Variants in EFR3A observed in about 807,000 individuals in gnomAD.
The protein encoded by EFR3A is protein EFR3 homolog A.
EFR3A carries 76 observed loss-of-function variants against 104.4 expected under a neutral mutation model. The observed-to-expected ratio is 0.73, with a 90% CI of 0.60 to 0.88. The LOEUF (loss-of-function observed/expected upper bound fraction) is 0.88. EFR3A is among the 40% of genes least tolerant of loss of function. EFR3A has a pLI of 0.00. For missense variants in EFR3A, 985 were observed against 1,012.5 expected (o/e 0.97, Z 0.37); for synonymous variants, 330 against 330.0 (o/e 1.00, Z 0.00).
intron 22 of EFR3A, among the ~76,000 whole-genome samples, chr8:132,003,645 C>A (rs1821898773): frequency 6.6e-6 from 1 of 152,164 alleles, no homozygotes; most frequent in Admixed American, 6.5e-5. Context: ...GCAGAAACTG[C>A]ATTTTAATAT....
At chr8:131,980,650 C>A (rs1295565292) in intron 14 of EFR3A, among the ~76,000 whole-genome samples, 2 of 151,988 alleles carry the variant, frequency 1.3e-5, no homozygotes, top group Non-Finnish European at 2.9e-5. Flanking sequence ...GCTTACCTAT[C>A]TTGTTTTATG....
chr8:131,963,491 GACAC>G (rs975714383), intron 8 of EFR3A, among the ~76,000 whole-genome samples: 2 of 152,016 alleles, frequency 1.3e-5, no homozygotes, highest in African/African-American at 4.8e-5. Flanking sequence ...TAAATTCCTG[GACAC>G]ACACACCCTC....
chr8:131,940,778 A>T, intron 2 of EFR3A: 2 of 825,806 alleles, frequency 2.4e-6, no homozygotes, highest in Non-Finnish European at 3.4e-6. Context: ...TTAGTAGATT[A>T]GGCACAAATC....
intron 9 of EFR3A, 80 bp downstream of exon 9, chr8:131,968,510 G>T: frequency 7.5e-7 from 1 of 1,333,758 alleles, no homozygotes; most frequent in South Asian, 1.7e-5. Flanking sequence ...AGTGTATGAA[G>T]AACTCTTTAA....
At chr8:131,985,548 C>G (rs1181433430) in intron 16 of EFR3A, among the ~76,000 whole-genome samples, 1 of 152,100 alleles carries the variant, frequency 6.6e-6, no homozygotes, top group African/African-American at 2.4e-5. Flanking sequence ...TTTCAATGCC[C>G]CCAAGTTACC....
intron 18 of EFR3A, 106 bp downstream of exon 18, chr8:131,987,808 C>T: frequency 2.5e-6 from 3 of 1,213,920 alleles, no homozygotes; most frequent in Non-Finnish European, 3.4e-6. Context: ...TGTGTCCTTA[C>T]TATAGCCCAG....
chr8:131,963,565 C>T (rs371911375), intron 8 of EFR3A, among the ~76,000 whole-genome samples: 14 of 151,900 alleles, frequency 9.2e-5, no homozygotes, highest in Admixed American at 7.2e-4. Flanking sequence ...GCTCTGAAAT[C>T]GAGGCAATAA....
intron 1 of EFR3A, chr8:131,940,058 T>C (rs1818087111): frequency 6.1e-6 from 1 of 164,926 alleles, no homozygotes. Flanking sequence ...TAGTAGATAC[T>C]TGGGCATGCC....
chr8:131,997,369 C>T (rs756150481), intron 19 of EFR3A, among the ~76,000 whole-genome samples: 7 of 152,010 alleles, frequency 4.6e-5, no homozygotes, highest in East Asian at 1.9e-4. Context: ...CCTCCTACCC[C>T]CTTACAATTC....
At chr8:131,933,041 G>A (rs937173245) in intron 1 of EFR3A, among the ~76,000 whole-genome samples, 1 of 152,048 alleles carries the variant, frequency 6.6e-6, no homozygotes, top group Non-Finnish European at 1.5e-5. Flanking sequence ...AAAGAAGAAA[G>A]TCACTGCTTA....
intron 9 of EFR3A, among the ~76,000 whole-genome samples, chr8:131,968,798 G>C (rs545970971): frequency 2.4e-4 from 37 of 152,144 alleles, no homozygotes; most frequent in Admixed American, 2.2e-3. Flanking sequence ...AAAAAGCCAG[G>C]GTTTACAGAA....
Position 131,984,505 on chromosome 8 carries a change from C to CA in EFR3A, c.1737+207dup, listed in dbSNP as rs1277109152. On this transcript the variant is annotated intron_variant, in intron 15 of 22. Coordinates refer to ENST00000254624, the MANE Select transcript of EFR3A (RefSeq NM_015137.6). ...ATCAACTGGTGTGCTAAATATCCTT[C>CA]AAGGCCATAGGGATATAGTGTGATG... is the stretch of plus-strand genomic sequence containing the variant. Among the ~76,000 whole-genome samples the CA allele has an allele frequency of 2.0e-5, 3 of 152,312 alleles. No individual in the cohort carries two copies. The East Asian group carries it at 5.8e-4, about 29-fold the overall frequency.
At chr8:132,006,432 CT>C (rs143157951) in intron 22 of EFR3A, among the ~76,000 whole-genome samples, 5,447 of 152,048 alleles carry the variant, frequency 0.036, 188 homozygotes, top group African/African-American at 0.092. Flanking sequence ...AAATTCAACA[CT>C]TTAGATGAAA....
chr8:131,949,983 A>G lies in EFR3A; in HGVS notation c.381A>G (p.Ala127=). The change falls in exon 5 of 23, where the codon GCA becomes GCG. Residue 127 remains alanine (A), a synonymous_variant. Transcript: ENST00000254624. ...VLGTNSFVKF[A]NIEEDTPSYH... ...GTGTTTTTTAGTTTGTCAAATTTGC[A>G]AATATTGAAGAAGACACACCATCCT... 2 of 1,593,790 alleles carry G rather than the reference A, an allele frequency of 1.3e-6. No homozygotes were observed. The highest frequency in any genetic ancestry group is 1.7e-6 in the Non-Finnish European group (2 of 1,172,904).
At chr8:131,940,619 T>C in intron 2 of EFR3A, 44 bp downstream of exon 2, 1 of 1,574,554 alleles carries the variant, frequency 6.4e-7, no homozygotes, top group Non-Finnish European at 8.6e-7. Context: ...TGCTGACCCA[T>C]TCTGCCCCCC....
At chr8:131,931,227 G>A (rs1023054751) in intron 1 of EFR3A, among the ~76,000 whole-genome samples, 2 of 152,132 alleles carry the variant, frequency 1.3e-5, no homozygotes, top group Non-Finnish European at 2.9e-5. Flanking sequence ...CCTTAGAGAA[G>A]CATTGTACTA....
At chr8:131,990,612 C>T (rs1282105971) in intron 18 of EFR3A, among the ~76,000 whole-genome samples, 2 of 152,108 alleles carry the variant, frequency 1.3e-5, no homozygotes, top group African/African-American at 2.4e-5. Context: ...TGATTTTAAT[C>T]AGAGGATAAC....
chr8:131,964,559 A>G (rs1819586914), intron 8 of EFR3A, among the ~76,000 whole-genome samples: 1 of 152,192 alleles, frequency 6.6e-6, no homozygotes, highest in Non-Finnish European at 1.5e-5. Context: ...ACCACTGCTC[A>G]ACGAAATAAA....
chr8:131,926,401 C>A (rs1486452251), intron 1 of EFR3A, among the ~76,000 whole-genome samples: 3 of 151,918 alleles, frequency 2.0e-5, no homozygotes, highest in Non-Finnish European at 4.4e-5. Flanking sequence ...AGAACTACAT[C>A]AAAAATGATG....
Sources: allele counts gnomAD v4.1 joint callset (sites outside exome capture counted in the v4.1 genomes callset), GRCh38; gene constraint gnomAD v4.1.1; transcripts MANE v1.5; gene names NCBI Gene and HGNC (gene_info 2026-07-23, HGNC 2026-07-21).